The following LRIG1 variants were observed in gnomAD, a reference collection of about 807,000 sequenced individuals.
LRIG1 encodes leucine-rich repeats and immunoglobulin-like domains protein 1.
LRIG1 carries 48 observed loss-of-function variants against 99.2 expected under a neutral mutation model. The ratio of observed to expected loss-of-function variants is 0.48; its 90% CI spans 0.38 to 0.62. The LOEUF is 0.62. Ranked by LOEUF, LRIG1 falls within the 20% of genes least tolerant of loss-of-function variation. LRIG1 has a pLI of 0.00. For missense variants in LRIG1, 1,646 were observed against 1,434.4 expected (o/e 1.15, Z -2.38); for synonymous variants, 772 against 596.1 (o/e 1.29, Z -4.30).
intron 2 of LRIG1, among the ~76,000 whole-genome samples, chr3:66,458,208 T>C (rs898800040): frequency 6.6e-6 from 1 of 152,180 alleles, no homozygotes; most frequent in Non-Finnish European, 1.5e-5. Flanking sequence ...CTCAACCTCC[T>C]GGGCTCAAGC....
chr3:66,398,079 C>A, intron 11 of LRIG1, 33 bp downstream of exon 11: 1 of 1,540,646 alleles, frequency 6.5e-7, no homozygotes, highest in Non-Finnish European at 9.0e-7. Context: ...TCTCCACTAC[C>A]ATTAATCAGA....
intron 3 of LRIG1, among the ~76,000 whole-genome samples, chr3:66,419,831 C>T (rs1358762793): frequency 6.6e-6 from 1 of 152,082 alleles, no homozygotes; most frequent in Non-Finnish European, 1.5e-5. Context: ...AAACACCCTG[C>T]CCTGGTGGGG....
At chr3:66,472,246 G>A (rs2106869478) in intron 1 of LRIG1, among the ~76,000 whole-genome samples, 1 of 140,932 alleles carries the variant, frequency 7.1e-6, no homozygotes, top group South Asian at 2.3e-4. Context: ...GGAGCGTGCA[G>A]TGAGCCGAGA....
At chr3:66,428,365 A>C (rs1703049313) in intron 3 of LRIG1, among the ~76,000 whole-genome samples, 1 of 152,116 alleles carries the variant, frequency 6.6e-6, no homozygotes, top group African/African-American at 2.4e-5. Context: ...ACCCCTCCCC[A>C]AAAAACACAT....
chr3:66,407,629 A>ACACACC (rs1702322621), intron 7 of LRIG1, 138 bp from the exon 8 acceptor site: 2 of 847,312 alleles, frequency 2.4e-6, no homozygotes, highest in Non-Finnish European at 3.7e-6. Flanking sequence ...GCGTGCACAC[A>ACACACC]CACACCCACA....
intron 3 of LRIG1, among the ~76,000 whole-genome samples, chr3:66,433,760 C>A (rs1210393631): frequency 6.6e-6 from 1 of 152,190 alleles, no homozygotes; most frequent in Non-Finnish European, 1.5e-5. Context: ...CCCTTCCTCA[C>A]CCACCCCAAA....
chr3:66,382,158 C>T lies in LRIG1; in HGVS notation c.2617+115G>A, dbSNP rs948153209. 14 of 1,228,404 alleles carry T rather than the reference C, an allele frequency of 1.1e-5. No homozygotes were observed. In the Admixed American group the frequency reaches 1.6e-4, roughly 14 times the overall value. 76.1% of individuals were successfully genotyped at this position (1,228,404 alleles called of 1,614,324 possible). A position where few individuals can be genotyped will look rare whatever the true frequency, so the allele number is the denominator to read the frequency against. On this transcript the variant is annotated intron_variant, in intron 16 of 18. Coordinates refer to ENST00000273261, the MANE Select transcript of LRIG1 (RefSeq NM_015541.3). ...CTTAGTCATACCGCCTTCTACTTCA[C>T]CAAGTTTGCCCCATCTAATGCCAGG... is the stretch of plus-strand genomic sequence containing the variant.
At chr3:66,493,957 G>GA (rs1223137849) in intron 1 of LRIG1, among the ~76,000 whole-genome samples, 1 of 134,754 alleles carries the variant, frequency 7.4e-6, no homozygotes, top group East Asian at 2.4e-4. Context: ...GAGAAAGAAA[G>GA]AAAGAAAAAG....
At chr3:66,468,118 A>G (rs1258794835) in intron 1 of LRIG1, among the ~76,000 whole-genome samples, 1 of 152,238 alleles carries the variant, frequency 6.6e-6, no homozygotes, top group African/African-American at 2.4e-5. Context: ...CTGGATTACA[A>G]CCAGAACCAC....
Position 66,380,387 on chromosome 3 carries a change from T to G in LRIG1, c.3158A>C (p.Gln1053Pro), listed in dbSNP as rs2279290. 299,741 of 1,614,060 alleles carry G rather than the reference T, an allele frequency of 0.19. 29,674 individuals carry two copies. Among genetic ancestry groups the G allele is most frequent in the Non-Finnish European group, 0.21 (242,960 of 1,179,984 alleles). ...GTGGCCATTGGAAACAAGCAAGTAC[T>G]GGGCTTCCGCGCGCTCTGGACTGCC... ...TSGSPERAEA[Q>P]YLLVSNGHLP... Residue 1053 changes from glutamine to proline, a missense_variant, in exon 19 of 19, where the codon CAG (glutamine) becomes CCG (proline). Gln to Pro is a moderately conservative substitution (Grantham distance 76). Coordinates refer to ENST00000273261, the MANE Select transcript of LRIG1 (RefSeq NM_015541.3).
chr3:66,386,256 A>G lies in LRIG1; in HGVS notation c.1514T>C (p.Met505Thr), dbSNP rs376728458. ...CCGGATGTCCTTGCCCACCATAGCC[A>G]TGGTGGTTTCTGGCTGGGTGATGAT... ...PQIITQPETT[M>T]AMVGKDIRFT... is the part of the protein sequence containing the mutation. Residue 505 changes from methionine to threonine, a missense_variant, in exon 13 of 19, where the codon ATG (methionine) becomes ACG (threonine). Coordinates refer to ENST00000273261, the MANE Select transcript of LRIG1 (RefSeq NM_015541.3). The G allele has an allele frequency of 4.3e-6, 7 of 1,613,960 alleles. No homozygotes were observed. In the African/African-American group the frequency reaches 5.3e-5, roughly 12 times the overall value.
chr3:66,457,552 G>C (rs1700258077), intron 2 of LRIG1, among the ~76,000 whole-genome samples: 1 of 152,182 alleles, frequency 6.6e-6, no homozygotes, highest in Non-Finnish European at 1.5e-5. Flanking sequence ...GGAGAGAAGA[G>C]GGATAATATT....
intron 13 of LRIG1, among the ~76,000 whole-genome samples, 188 bp downstream of exon 13, chr3:66,385,789 CTCAT>C (rs1158202860): frequency 6.6e-6 from 1 of 152,208 alleles, no homozygotes; most frequent in Non-Finnish European, 1.5e-5. Context: ...AAACAAGTAA[CTCAT>C]TGTGAATAAC....
At chr3:66,462,233 A>T (rs913364305) in intron 2 of LRIG1, among the ~76,000 whole-genome samples, 2 of 152,150 alleles carry the variant, frequency 1.3e-5, no homozygotes, top group Non-Finnish European at 2.9e-5. Context: ...CTCTATGCCT[A>T]CTGAATTGTA....
chr3:66,471,648 G>A (rs1015244097), intron 1 of LRIG1, among the ~76,000 whole-genome samples: 6 of 152,204 alleles, frequency 3.9e-5, no homozygotes, highest in Non-Finnish European at 7.3e-5. Context: ...GGATGGCAGA[G>A]GGTTCTCATA....
intron 1 of LRIG1, among the ~76,000 whole-genome samples, chr3:66,476,663 T>C (rs542273378): frequency 1.3e-5 from 2 of 152,296 alleles, no homozygotes; most frequent in South Asian, 4.1e-4. Context: ...GATGGCTGTC[T>C]CTCCAGGGTC....
chr3:66,385,013 G>A (rs970549067), intron 13 of LRIG1, among the ~76,000 whole-genome samples: 3 of 152,102 alleles, frequency 2.0e-5, no homozygotes, highest in Non-Finnish European at 4.4e-5. Context: ...GATCTGTGGG[G>A]GCTTAAAGAG....
chr3:66,460,532 A>G (rs1052691989), intron 2 of LRIG1, among the ~76,000 whole-genome samples: 1 of 152,196 alleles, frequency 6.6e-6, no homozygotes, highest in African/African-American at 2.4e-5. Flanking sequence ...CTTTATAAGA[A>G]GAGGAAATCT....
intron 1 of LRIG1, among the ~76,000 whole-genome samples, chr3:66,492,446 A>G (rs1701122400): frequency 6.6e-6 from 1 of 152,210 alleles, no homozygotes; most frequent in Admixed American, 6.5e-5. Flanking sequence ...AAAAAAGAAG[A>G]AAAACCCTGC....
Sources: gnomAD v4.1 joint callset for allele counts (sites outside exome capture counted in the v4.1 genomes callset) on GRCh38, gnomAD v4.1.1 for gene constraint, MANE v1.5 for transcripts, NCBI Gene and HGNC (gene_info 2026-07-23, HGNC 2026-07-21) for gene names.